ARHGEF10: variants seen among roughly 807,000 people sequenced by gnomAD.
The protein encoded by ARHGEF10 is Rho guanine nucleotide exchange factor (GEF) 10.
ARHGEF10 carries 140 observed loss-of-function variants against 147.4 expected under a neutral mutation model. That is an observed-to-expected ratio of 0.95 (90% CI 0.83 to 1.09). ARHGEF10 has a LOEUF of 1.09. Among genes scored for constraint, ARHGEF10 ranks in the 50% least tolerant of loss-of-function variants. ARHGEF10 has a pLI of 0.00. For missense variants in ARHGEF10, 2,222 were observed against 1,752.7 expected (o/e 1.27, Z -4.78); for synonymous variants, 902 against 695.8 (o/e 1.30, Z -4.67).
At chr8:1,883,625 G>A (rs1278225857) in intron 10 of ARHGEF10, among the ~76,000 whole-genome samples, 1 of 152,164 alleles carries the variant, frequency 6.6e-6, no homozygotes, top group African/African-American at 2.4e-5. Flanking sequence ...CTCAGACAAG[G>A]TGGGGGTAAG....
At chr8:1,829,179 C>G (rs1009566257) in intron 1 of ARHGEF10, among the ~76,000 whole-genome samples, 2 of 152,086 alleles carry the variant, frequency 1.3e-5, no homozygotes, top group Admixed American at 6.5e-5. Flanking sequence ...GACAGGATAC[C>G]TGCGTGGGCC....
chr8:1,901,140 G>T (rs150854483), intron 15 of ARHGEF10, among the ~76,000 whole-genome samples: 3 of 152,126 alleles, frequency 2.0e-5, no homozygotes, highest in African/African-American at 7.2e-5. Context: ...CCTACCTCAG[G>T]TGTGGGTACT....
Position 1,869,227 on chromosome 8 carries a change from G to A in ARHGEF10, c.656G>A (p.Arg219Lys). ...PEEAIYDDVPRENSDSEPDEM... is the reference protein window; with the variant it reads ...PEEAIYDDVPKENSDSEPDEM... ...GAAGCAATTTACGATGACGTTCCAA[G>A]GGAAAACTCAGACTCTGAACCAGGT... Residue 219 changes from arginine to lysine, a missense_variant, in exon 7 of 29, where the codon AGG (arginine) becomes AAG (lysine). Coordinates refer to ENST00000349830, the MANE Select transcript of ARHGEF10 (RefSeq NM_014629.4). 6.2e-7 allele frequency: 1 copy of A among 1,614,052 alleles called. No homozygotes were observed. The highest frequency in any genetic ancestry group is 8.5e-7 in the Non-Finnish European group (1 of 1,179,932).
chr8:1,950,730 GTTTTTT>G (rs71211528), intron 27 of ARHGEF10, among the ~76,000 whole-genome samples: 1 of 108,458 alleles, frequency 9.2e-6, no homozygotes, highest in Non-Finnish European at 1.8e-5. Flanking sequence ...TGTTTTTTAG[GTTTTTT>G]TTTTTTTTTT....
Position 1,957,023 on chromosome 8 carries a change from G to A in ARHGEF10, c.3795G>A (p.Leu1265=), listed in dbSNP as rs778992168. Reference sequence around the variant, plus strand: ...CCTCCTCATCTGGGTCCCTGAGCTTGTCTCACGGCTCCAGCTCTCTAGAGC... The same window carrying A: ...CCTCCTCATCTGGGTCCCTGAGCTTATCTCACGGCTCCAGCTCTCTAGAGC... ...DLSSSSGSLS[L]SHGSSSLEHR... Residue 1265 remains leucine (L), a synonymous_variant, in exon 29 of 29, where the codon TTG becomes TTA. Transcript: ENST00000349830. 1 of 1,614,020 alleles carries A rather than the reference G, an allele frequency of 6.2e-7. No individual in the cohort carries two copies. Among genetic ancestry groups the A allele is most frequent in the South Asian group, 1.1e-5 (1 of 91,086 alleles).
At chr8:1,876,919 G>A (rs368891264) in intron 8 of ARHGEF10, among the ~76,000 whole-genome samples, 185 bp downstream of exon 8, 1 of 152,220 alleles carries the variant, frequency 6.6e-6, no homozygotes, top group Non-Finnish European at 1.5e-5. Context: ...GTTAAGTATC[G>A]TCATGGAAAG....
At chr8:1,887,079 C>T (rs1025941590) in intron 11 of ARHGEF10, among the ~76,000 whole-genome samples, 5 of 152,180 alleles carry the variant, frequency 3.3e-5, no homozygotes, top group African/African-American at 7.2e-5. Context: ...TAGGATGACA[C>T]GCTGGCCAGT....
intron 18 of ARHGEF10, among the ~76,000 whole-genome samples, chr8:1,911,159 T>C (rs1317986846): frequency 2.6e-5 from 4 of 152,224 alleles, no homozygotes; most frequent in African/African-American, 7.2e-5. Context: ...AAAAGAAATA[T>C]GCCACATTGG....
intron 17 of ARHGEF10, among the ~76,000 whole-genome samples, chr8:1,908,893 A>G (rs1001631130): frequency 1.2e-4 from 18 of 152,222 alleles, no homozygotes; most frequent in Admixed American, 1.2e-3. Flanking sequence ...GTAGCCATAA[A>G]AGAATAAAGC....
chr8:1,907,804 T>G (rs1248558909), intron 17 of ARHGEF10, among the ~76,000 whole-genome samples: 1 of 152,110 alleles, frequency 6.6e-6, no homozygotes, highest in Non-Finnish European at 1.5e-5. Context: ...GTTGTCAGTG[T>G]GAGATTTTCA....
chr8:1,882,804 A>C, intron 10 of ARHGEF10, 55 bp downstream of exon 10: 1 of 779,460 alleles, frequency 1.3e-6, no homozygotes, highest in Non-Finnish European at 2.0e-6. Context: ...GGGGGCGGCC[A>C]CATCTTGTGG....
intron 23 of ARHGEF10, chr8:1,926,783 A>AT (rs532348940): frequency 1.6e-5 from 6 of 372,870 alleles, no homozygotes; most frequent in East Asian, 6.0e-5. Context: ...CATTGCATGG[A>AT]TTTTTTTTCT....
At chr8:1,841,972 G>A (rs1231212805) in intron 1 of ARHGEF10, among the ~76,000 whole-genome samples, 1 of 65,106 alleles carries the variant, frequency 1.5e-5, no homozygotes, top group African/African-American at 6.3e-5. Context: ...ACCGGAACTG[G>A]GGCCGCGGCG....
At chr8:1,848,384 C>A (rs1382432880) in intron 2 of ARHGEF10, among the ~76,000 whole-genome samples, 2 of 152,194 alleles carry the variant, frequency 1.3e-5, no homozygotes, top group Non-Finnish European at 2.9e-5. Context: ...TTGAACTCAG[C>A]TCTCCGACTC....
At chr8:1,828,422 C>T (rs1802894003) in intron 1 of ARHGEF10, among the ~76,000 whole-genome samples, 1 of 151,396 alleles carries the variant, frequency 6.6e-6, no homozygotes, top group African/African-American at 2.4e-5. Flanking sequence ...TAAGGAATTA[C>T]ATTTTGATAA....
chr8:1,920,051 CGTGGGTGATGGAGCTGTTCT>C (rs145286694), intron 18 of ARHGEF10, among the ~76,000 whole-genome samples: 1,390 of 109,732 alleles, frequency 0.013, 22 homozygotes, highest in African/African-American at 0.021. Flanking sequence ...GGAGCTGTTC[CGTGGGTGATGGAGCTGTTCT>C]GTGGGTGATG....
At chr8:1,876,792 C>T in intron 8 of ARHGEF10, 58 bp downstream of exon 8, 2 of 1,574,100 alleles carry the variant, frequency 1.3e-6, no homozygotes, top group Middle Eastern at 1.7e-4. Flanking sequence ...GGACAGGGGG[C>T]TGTGAATATG....
intron 5 of ARHGEF10, 77 bp from the exon 6 acceptor site, chr8:1,866,449 A>ACT: frequency 9.7e-7 from 1 of 1,029,270 alleles, no homozygotes; most frequent in Non-Finnish European, 1.5e-6. Flanking sequence ...ACACACACAC[A>ACT]CTCTGCAGGG....
In ARHGEF10 at chr8:1,839,276, G is replaced by A. The variant is rs377570071; in HGVS notation, c.-47-4077G>A. On this transcript the variant is annotated intron_variant, in intron 1 of 28. Transcript: ENST00000349830. ...TCCGCTGTGGGTACTGTCTGGTGTG[G>A]AAGCTGTCTGGTGTGGGTACTGTCC... is the stretch of plus-strand genomic sequence containing the variant. Among the ~76,000 whole-genome samples, 315 of 150,196 alleles carry A rather than the reference G, an allele frequency of 2.1e-3. 8 individuals are homozygous for A. In the East Asian group the frequency reaches 0.051, roughly 24 times the overall value.
Sources: gnomAD v4.1 joint callset for allele counts (sites outside exome capture counted in the v4.1 genomes callset) on GRCh38, gnomAD v4.1.1 for gene constraint, MANE v1.5 for transcripts, NCBI Gene and HGNC (gene_info 2026-07-23, HGNC 2026-07-21) for gene names.